The following SMCO4 variants were observed in gnomAD, a reference collection of about 807,000 sequenced individuals.
SMCO4 encodes single-pass membrane protein with coiled-coil domains 4.
A neutral mutation model predicts 3.6 loss-of-function variants in SMCO4; 4 were observed. The observed-to-expected ratio is 1.11, with a 90% CI of 0.54 to 2.53. The LOEUF (loss-of-function observed/expected upper bound fraction) is 2.53. Among genes scored for constraint, SMCO4 ranks in the 30% most tolerant of loss-of-function variants. The pLI is 0.02. For missense variants in SMCO4, 70 were observed against 80.8 expected (o/e 0.87, Z 0.51); for synonymous variants, 36 against 35.3 (o/e 1.02, Z -0.07).
intron 1 of SMCO4, chr11:93,537,718 AAAC>A (rs889005504): frequency 6.6e-6 from 1 of 151,958 alleles, no homozygotes; most frequent in African/African-American, 2.4e-5. Context: ...CCCACAAAAG[AAAC>A]AACTGGACAC....
chr11:93,518,927 T>C (rs968694951), intron 1 of SMCO4, among the ~76,000 whole-genome samples: 1 of 152,214 alleles, frequency 6.6e-6, no homozygotes, highest in African/African-American at 2.4e-5. Flanking sequence ...CTGGTTCTCA[T>C]TTTTAGTAAG....
At chr11:93,488,327 A>C (rs1358827072) in intron 2 of SMCO4, among the ~76,000 whole-genome samples, 1 of 152,192 alleles carries the variant, frequency 6.6e-6, no homozygotes, top group Non-Finnish European at 1.5e-5. Context: ...AGAGGGCAAG[A>C]TGGGGCCACA....
chr11:93,497,906 T>C (rs1283203598), intron 2 of SMCO4, among the ~76,000 whole-genome samples: 1 of 152,224 alleles, frequency 6.6e-6, no homozygotes, highest in Admixed American at 6.5e-5. Context: ...TCCAAGATGA[T>C]GGTGACCAAT....
chr11:93,495,806 G>C (rs1314064177), intron 2 of SMCO4, among the ~76,000 whole-genome samples: 8 of 152,170 alleles, frequency 5.3e-5, no homozygotes, highest in Non-Finnish European at 1.2e-4. Flanking sequence ...TTATTCTGGT[G>C]TTTGGAGGAA....
chr11:93,542,921 C>T (rs1348765766), intron 1 of SMCO4, among the ~76,000 whole-genome samples: 3 of 152,168 alleles, frequency 2.0e-5, no homozygotes, highest in Non-Finnish European at 2.9e-5. Context: ...CTGCGTCCCC[C>T]GGCCCCTGAG....
At chr11:93,545,990 A>T (rs913309686), upstream of SMCO4, among the ~76,000 whole-genome samples, 54 of 152,374 alleles carry the variant, frequency 3.5e-4, no homozygotes, top group Admixed American at 2.7e-3. Flanking sequence ...GCTCTCAGCC[A>T]CATGAGTGAG....
chr11:93,502,400 A>T (rs1366662408), intron 1 of SMCO4, among the ~76,000 whole-genome samples: 1 of 152,162 alleles, frequency 6.6e-6, no homozygotes, highest in Non-Finnish European at 1.5e-5. Flanking sequence ...GGGTGACTTC[A>T]CAAAGCAAGG....
rs555021734 is a variant in SMCO4, at chr11:93,534,664, C to T, written c.-154+8612G>A. 3.4e-4 allele frequency among the ~76,000 whole-genome samples: 52 copies of T among 152,284 alleles called. No individual in the cohort carries two copies. In the South Asian group the frequency reaches 0.011, roughly 31 times the overall value. On this transcript the variant is annotated intron_variant, in intron 1 of 2. Transcript: ENST00000298966. Reference sequence around the variant, plus strand: ...TCAACTCTGCAGTCCCTTCATCTCCCAAGGGTTCCCCCTCCACCACTCCTG... The same window carrying T: ...TCAACTCTGCAGTCCCTTCATCTCCTAAGGGTTCCCCCTCCACCACTCCTG...
At chr11:93,496,213 C>G (rs987580391) in intron 2 of SMCO4, among the ~76,000 whole-genome samples, 1 of 152,148 alleles carries the variant, frequency 6.6e-6, no homozygotes, top group Non-Finnish European at 1.5e-5. Flanking sequence ...GAGGCTTTGG[C>G]AGTCACCTGG....
intron 1 of SMCO4, among the ~76,000 whole-genome samples, chr11:93,531,701 T>C (rs1166899668): frequency 6.6e-6 from 1 of 152,248 alleles, no homozygotes; most frequent in Non-Finnish European, 1.5e-5. Flanking sequence ...TGGGGTTTTT[T>C]GCCACAGTTT....
At chr11:93,520,839 C>T (rs1949050689) in intron 1 of SMCO4, among the ~76,000 whole-genome samples, 1 of 152,090 alleles carries the variant, frequency 6.6e-6, no homozygotes, top group South Asian at 2.1e-4. Context: ...CAGTGCCTTT[C>T]ACCTTCAGCA....
chr11:93,538,901 C>T (rs1184253589), intron 1 of SMCO4, among the ~76,000 whole-genome samples: 1 of 152,188 alleles, frequency 6.6e-6, no homozygotes, highest in Non-Finnish European at 1.5e-5. Flanking sequence ...CTCCAGACAG[C>T]CACCGAGCTA....
chr11:93,522,422 G>C (rs1949066283), intron 1 of SMCO4, among the ~76,000 whole-genome samples: 1 of 152,202 alleles, frequency 6.6e-6, no homozygotes, highest in Non-Finnish European at 1.5e-5. Flanking sequence ...GGGAGGAAGG[G>C]AGACAAGTCT....
At chr11:93,503,317 A>C (rs1286590703) in intron 1 of SMCO4, among the ~76,000 whole-genome samples, 2 of 152,166 alleles carry the variant, frequency 1.3e-5, no homozygotes, top group African/African-American at 4.8e-5. Context: ...TCCCTTATAA[A>C]ACTATCAGAT....
At chr11:93,528,220 T>A (rs893802053) in intron 1 of SMCO4, among the ~76,000 whole-genome samples, 1 of 152,246 alleles carries the variant, frequency 6.6e-6, no homozygotes, top group Non-Finnish European at 1.5e-5. Context: ...AAATTTGGAA[T>A]GTAATTGATA....
At chr11:93,512,648 T>C (rs528311104) in intron 1 of SMCO4, among the ~76,000 whole-genome samples, 4 of 152,360 alleles carry the variant, frequency 2.6e-5, no homozygotes, top group Admixed American at 6.5e-5. Flanking sequence ...GTTTGTAGCC[T>C]AGGAGCAATA....
chr11:93,519,021 C>T (rs888661326), intron 1 of SMCO4, among the ~76,000 whole-genome samples: 8 of 152,230 alleles, frequency 5.3e-5, no homozygotes, highest in African/African-American at 1.7e-4. Flanking sequence ...TGTCCCAACC[C>T]TTAAAAGACT....
chr11:93,526,946 C>T (rs1371745177), intron 1 of SMCO4, among the ~76,000 whole-genome samples: 1 of 152,204 alleles, frequency 6.6e-6, no homozygotes, highest in Admixed American at 6.5e-5. Context: ...AGGCCATTGC[C>T]CTTTCCACTG....
intron 1 of SMCO4, among the ~76,000 whole-genome samples, chr11:93,542,416 G>A (rs565702931): frequency 6.6e-6 from 1 of 152,282 alleles, no homozygotes; most frequent in Admixed American, 6.5e-5. Context: ...AGCTCCCGGA[G>A]ATAGTTATGA....
Sources: allele counts gnomAD v4.1 joint callset (sites outside exome capture counted in the v4.1 genomes callset), GRCh38; gene constraint gnomAD v4.1.1; transcripts MANE v1.5; gene names NCBI Gene and HGNC (gene_info 2026-07-23, HGNC 2026-07-21).